CC2D2B: variants seen among roughly 807,000 people sequenced by gnomAD.
CC2D2B encodes protein CC2D2B.
Under a neutral mutation model 161.2 loss-of-function variants are expected in CC2D2B, and 128 were observed. The ratio of observed to expected loss-of-function variants is 0.79; its 90% CI spans 0.69 to 0.92. CC2D2B has a LOEUF of 0.92. CC2D2B is among the 40% of genes least tolerant of loss of function. CC2D2B has a pLI of 0.00. For missense variants in CC2D2B, 1,173 were observed against 1,375.1 expected (o/e 0.85, Z 2.32); for synonymous variants, 391 against 449.8 (o/e 0.87, Z 1.65).
In CC2D2B at chr10:95,938,676, A is replaced by G. The variant is rs750279535; in HGVS notation, c.643A>G (p.Met215Val). 1 of 713,740 alleles carries G rather than the reference A, an allele frequency of 1.4e-6. No homozygotes were observed. The highest frequency in any genetic ancestry group is 2.6e-6 in the Non-Finnish European group (1 of 383,830). The allele number at this position is 713,740 out of a possible 1,614,324, so 44.2% of individuals were successfully genotyped here. ...PEIYKKTCNK[M>V]ENRLLKLEEG... Reference sequence around the variant, plus strand: ...AATATACAAAAAGACCTGCAACAAAATGGAAAATCGCCTGCTTAAACTAGA... The same window carrying G: ...AATATACAAAAAGACCTGCAACAAAGTGGAAAATCGCCTGCTTAAACTAGA... The change falls in exon 8 of 35, where the codon ATG becomes GTG. Residue 215 changes from methionine (M) to valine (V), a missense_variant. Met to Val is a conservative substitution (Grantham distance 21). Coordinates refer to ENST00000646931, the MANE Select transcript of CC2D2B (RefSeq NM_001349008.3).
chr10:95,973,733 C>T (rs992909175), intron 16 of CC2D2B, among the ~76,000 whole-genome samples: 18 of 151,968 alleles, frequency 1.2e-4, no homozygotes, highest in African/African-American at 4.1e-4. Context: ...TGGTGGTTGA[C>T]ACCTGTAATC....
At chr10:96,023,828 A>C (rs538792463) in intron 32 of CC2D2B, among the ~76,000 whole-genome samples, 1 of 152,342 alleles carries the variant, frequency 6.6e-6, no homozygotes, top group Admixed American at 6.5e-5. Context: ...TCACCCCCAG[A>C]GTTCCTGATT....
intron 6 of CC2D2B, among the ~76,000 whole-genome samples, chr10:95,937,634 G>A (rs1005571566): frequency 6.6e-6 from 1 of 151,736 alleles, no homozygotes. Flanking sequence ...AGGATTTAGG[G>A]TCACATGGTC....
At chr10:95,911,223 G>A in intron 1 of CC2D2B, 78 bp from the exon 2 acceptor site, 1 of 203,872 alleles carries the variant, frequency 4.9e-6, no homozygotes, top group South Asian at 1.8e-4. Context: ...AATTTAAAAA[G>A]CATACTTTTA....
chr10:95,975,644 A>G (rs2077286964), intron 17 of CC2D2B, among the ~76,000 whole-genome samples: 1 of 152,162 alleles, frequency 6.6e-6, no homozygotes, highest in South Asian at 2.1e-4. Flanking sequence ...TCAAACCAGA[A>G]CCCAAGTGAA....
intron 17 of CC2D2B, among the ~76,000 whole-genome samples, chr10:95,977,111 G>C (rs4992424): frequency 1 from 152,257 of 152,258 alleles, 76,128 homozygotes; most frequent in Non-Finnish European, 1. Context: ...GTGGCTCACC[G>C]TGTAATCCCA....
intron 1 of CC2D2B, among the ~76,000 whole-genome samples, chr10:95,909,672 A>C (rs1168808834): frequency 2.0e-5 from 3 of 152,230 alleles, no homozygotes; most frequent in Non-Finnish European, 2.9e-5. Context: ...ACTATATACT[A>C]AGATATGCAT....
intron 34 of CC2D2B, among the ~76,000 whole-genome samples, chr10:96,029,427 T>C (rs1012895250): frequency 2.6e-5 from 4 of 151,658 alleles, no homozygotes; most frequent in Admixed American, 2.6e-4. Flanking sequence ...TTGCATGGCA[T>C]TAACTTGGAA....
In CC2D2B at chr10:95,945,461, C is replaced by T. The variant is rs116846021; in HGVS notation, c.802-4435C>T. Among the ~76,000 whole-genome samples the T allele has an allele frequency of 9.3e-4, 142 of 152,282 alleles. 2 individuals carry two copies. The East Asian group carries it at 0.025, about 27-fold the overall frequency. ...CAGGTACTTTAACAGCTTGTTGTAC[C>T]TCTACTATCCCAGGTACCCTATTTG... On this transcript the variant is annotated intron_variant, in intron 9 of 34. Transcript: ENST00000646931.
At chr10:95,924,987 T>G (rs2098535832) in intron 5 of CC2D2B, 143 bp downstream of exon 5, 5 of 524,690 alleles carry the variant, frequency 9.5e-6, no homozygotes, top group Non-Finnish European at 1.7e-5. Context: ...TACCACAGTT[T>G]AGTTTTTATC....
intron 6 of CC2D2B, among the ~76,000 whole-genome samples, chr10:95,933,376 A>T (rs1004462469): frequency 1.3e-5 from 2 of 151,944 alleles, no homozygotes; most frequent in African/African-American, 4.8e-5. Flanking sequence ...TCTGAAGCCT[A>T]CTTCTGTCAA....
intron 6 of CC2D2B, among the ~76,000 whole-genome samples, chr10:95,931,947 C>T (rs1590405053): frequency 6.6e-6 from 1 of 152,196 alleles, no homozygotes; most frequent in African/African-American, 2.4e-5. Context: ...AATTTTCTGT[C>T]TCATTCATCT....
chr10:95,938,123 T>C lies in CC2D2B; in HGVS notation c.469T>C (p.Tyr157His), dbSNP rs1054161289. ...TATACTCAAAGTAAAAGCTGCTGACTATGAAGATGATCAAGAACAAATAAA... is the reference window on the plus strand; with the variant it reads ...TATACTCAAAGTAAAAGCTGCTGACCATGAAGATGATCAAGAACAAATAAA... ...TDILKVKAAD[Y>H]EDDQEQIKKQ... Residue 157 changes from tyrosine (Y) to histidine (H), a missense_variant, in exon 7 of 35, where the codon TAT (tyrosine) becomes CAT (histidine). By Grantham distance (83) the Tyr-to-His change is moderately conservative. This residue lies in a region of CC2D2B where 298 missense variants were observed against 261.2 expected (regional missense o/e 1.14). Transcript: ENST00000646931. 6.5e-7 allele frequency: 1 copy of C among 1,550,216 alleles called. No individual in the cohort carries two copies. Among genetic ancestry groups the C allele is most frequent in the Non-Finnish European group, 8.7e-7 (1 of 1,145,728 alleles).
chr10:96,004,944 G>C (rs1056167693), intron 25 of CC2D2B, among the ~76,000 whole-genome samples: 1 of 152,206 alleles, frequency 6.6e-6, no homozygotes, highest in Non-Finnish European at 1.5e-5. Flanking sequence ...ACCTTGAAGA[G>C]TAAGGTTCAG....
chr10:95,960,783 G>A (rs902361814), intron 11 of CC2D2B, among the ~76,000 whole-genome samples: 3 of 152,146 alleles, frequency 2.0e-5, no homozygotes. Context: ...AAAATGCTGA[G>A]ATTATAGGCA....
chr10:95,917,104 A>T (rs1566308023), intron 2 of CC2D2B, among the ~76,000 whole-genome samples: 6 of 152,168 alleles, frequency 3.9e-5, no homozygotes, highest in Non-Finnish European at 1.5e-5. Context: ...TACAATTATG[A>T]CATCCTCTTG....
At chr10:95,993,952 G>GTATATATATA (rs1169560460) in intron 22 of CC2D2B, among the ~76,000 whole-genome samples, 3 of 18,150 alleles carry the variant, frequency 1.7e-4, no homozygotes, top group Non-Finnish European at 2.6e-4. Context: ...GTATGTATGT[G>GTATATATATA]TATATATATA....
chr10:95,928,429 T>A (rs1196536492), intron 6 of CC2D2B, among the ~76,000 whole-genome samples: 2 of 152,190 alleles, frequency 1.3e-5, no homozygotes, highest in African/African-American at 4.8e-5. Flanking sequence ...ACTATTATAC[T>A]TTAAGTTCTG....
intron 15 of CC2D2B, 129 bp from the exon 16 acceptor site, chr10:95,971,937 A>C: frequency 2.2e-6 from 1 of 453,382 alleles, no homozygotes; most frequent in Non-Finnish European, 3.6e-6. Flanking sequence ...CATGTGGATG[A>C]AATGCTATAG....
Sources: gnomAD v4.1 joint callset for allele counts (sites outside exome capture counted in the v4.1 genomes callset) on GRCh38, gnomAD v4.1.1 for gene constraint, gnomAD v4.1.1 regional missense constraint, MANE v1.5 for transcripts, NCBI Gene and HGNC (gene_info 2026-07-23, HGNC 2026-07-21) for gene names.